ZBTB20: variants seen among roughly 807,000 people sequenced by gnomAD.
ZBTB20 encodes the protein zinc finger and BTB domain containing 20, also known as zinc finger and BTB domain-containing protein 20.
A neutral mutation model predicts 56.9 loss-of-function variants in ZBTB20; 9 were observed. The ratio of observed to expected loss-of-function variants is 0.16; its 90% confidence interval spans 0.10 to 0.28. The LOEUF is 0.28. ZBTB20 is among the 10% of genes least tolerant of loss of function. The pLI, the probability that ZBTB20 is intolerant of heterozygous loss-of-function variation, is 1.00. For missense variants in ZBTB20, 655 were observed against 1,003.0 expected (o/e 0.65, Z 4.69); for synonymous variants, 417 against 420.7 (o/e 0.99, Z 0.11).
At chr3:114,381,964 G>C (rs2084409150) in intron 8 of ZBTB20, among the ~76,000 whole-genome samples, 1 of 152,166 alleles carries the variant, frequency 6.6e-6, no homozygotes, top group African/African-American at 2.4e-5. Context: ...CCCAAATCTT[G>C]AGTGTCTACA....
At chr3:114,524,881 A>G (rs1204573355) in intron 6 of ZBTB20, among the ~76,000 whole-genome samples, 1 of 151,998 alleles carries the variant, frequency 6.6e-6, no homozygotes, top group Non-Finnish European at 1.5e-5. Flanking sequence ...CACCCGGCTA[A>G]TTTTTGTATT....
intron 5 of ZBTB20, among the ~76,000 whole-genome samples, chr3:114,764,474 G>A (rs530971428): frequency 3.9e-5 from 6 of 152,236 alleles, no homozygotes; most frequent in South Asian, 4.1e-4. Context: ...TGCAGGCCCC[G>A]CATCCTGCTT....
chr3:114,757,070 C>T (rs1479988757), intron 5 of ZBTB20, among the ~76,000 whole-genome samples: 1 of 152,112 alleles, frequency 6.6e-6, no homozygotes, highest in African/African-American at 2.4e-5. Flanking sequence ...GCTCTTTAGT[C>T]TGGCCTCCGC....
chr3:114,386,455 T>G (rs559994559), intron 8 of ZBTB20, among the ~76,000 whole-genome samples: 1 of 152,130 alleles, frequency 6.6e-6, no homozygotes. Flanking sequence ...TCAAGAGAGA[T>G]AGCACCAGGT....
intron 5 of ZBTB20, among the ~76,000 whole-genome samples, chr3:114,697,504 GA>G (rs1353040823): frequency 6.6e-6 from 1 of 150,560 alleles, no homozygotes; most frequent in African/African-American, 2.4e-5. Flanking sequence ...TGAGAAAAGG[GA>G]AAAAAAACTG....
intron 3 of ZBTB20, among the ~76,000 whole-genome samples, chr3:114,972,259 G>A (rs1019581164): frequency 3.3e-5 from 5 of 152,234 alleles, no homozygotes; most frequent in Admixed American, 2.0e-4. Flanking sequence ...TATATTGTGG[G>A]TCTTTTTATT....
chr3:114,530,675 C>T (rs1032770015), intron 6 of ZBTB20, among the ~76,000 whole-genome samples: 2 of 152,146 alleles, frequency 1.3e-5, no homozygotes, highest in South Asian at 2.1e-4. Context: ...ATCATTACCA[C>T]CTATGAAATT....
chr3:115,053,524 A>G (rs747207508), intron 2 of ZBTB20, among the ~76,000 whole-genome samples: 9 of 152,214 alleles, frequency 5.9e-5, no homozygotes, highest in African/African-American at 1.7e-4. Context: ...ATTTAAGTGG[A>G]ATAGTGAGAG....
intron 6 of ZBTB20, among the ~76,000 whole-genome samples, chr3:114,548,424 G>A (rs2050157286): frequency 6.6e-6 from 1 of 152,076 alleles, no homozygotes; most frequent in African/African-American, 2.4e-5. Context: ...AGATCTATTA[G>A]TCTCAGAATT....
At chr3:114,569,914 T>C (rs1474566739) in intron 6 of ZBTB20, among the ~76,000 whole-genome samples, 3 of 152,096 alleles carry the variant, frequency 2.0e-5, no homozygotes, top group African/African-American at 7.2e-5. Context: ...CACATACTTC[T>C]AGAACTATAA....
chr3:114,932,460 T>A (rs1056276312), intron 3 of ZBTB20, among the ~76,000 whole-genome samples: 1 of 152,228 alleles, frequency 6.6e-6, no homozygotes, highest in Non-Finnish European at 1.5e-5. Context: ...AAACTTATCA[T>A]ATACAATTGT....
chr3:114,474,504 T>G (rs1029865012), intron 7 of ZBTB20, among the ~76,000 whole-genome samples: 3 of 152,186 alleles, frequency 2.0e-5, no homozygotes, highest in African/African-American at 7.2e-5. Context: ...CTTGCTTCTC[T>G]ATCTAGTGAG....
At chr3:115,051,010 T>C (rs1244189533) in intron 2 of ZBTB20, among the ~76,000 whole-genome samples, 1 of 152,128 alleles carries the variant, frequency 6.6e-6, no homozygotes, top group Non-Finnish European at 1.5e-5. Context: ...CTTCAATTCC[T>C]ATACTCAGAA....
At position 114,320,567 on chromosome 3, in the gene ZBTB20, G is replaced by A. The variant is rs537795379; in HGVS notation, c.*18438C>T. 1 of 152,248 alleles carries A rather than the reference G, an allele frequency of 6.6e-6. No homozygotes were observed. Among genetic ancestry groups the A allele is most frequent in the South Asian group, 2.1e-4 (1 of 4,828 alleles). 9.4% of individuals were successfully genotyped at this position (152,248 alleles called of 1,614,324 possible). ...TAAAAAACAGGTAAGGCTACTCTTA[G>A]ATTTCTAACTCAACATAGTTAACCA... On this transcript the variant is annotated 3_prime_UTR_variant, in exon 12 of 12. Transcript: ENST00000675478.
At chr3:114,869,581 G>C (rs2075903425) in intron 4 of ZBTB20, among the ~76,000 whole-genome samples, 1 of 152,028 alleles carries the variant, frequency 6.6e-6, no homozygotes, top group African/African-American at 2.4e-5. Context: ...AGTGGAAGTA[G>C]AAAGCCAAAT....
intron 6 of ZBTB20, among the ~76,000 whole-genome samples, chr3:114,628,765 C>G (rs999477185): frequency 1.3e-5 from 2 of 152,148 alleles, no homozygotes; most frequent in Non-Finnish European, 2.9e-5. Flanking sequence ...ATTTCTGATA[C>G]AGGATCTCAT....
chr3:114,401,537 A>AG (rs2086827889), intron 7 of ZBTB20, among the ~76,000 whole-genome samples: 1 of 152,138 alleles, frequency 6.6e-6, no homozygotes, highest in Non-Finnish European at 1.5e-5. Flanking sequence ...AAAATTCCAG[A>AG]GAGTGAAAGG....
intron 4 of ZBTB20, among the ~76,000 whole-genome samples, chr3:114,858,826 G>A (rs1235149041): frequency 4.6e-5 from 7 of 151,922 alleles, no homozygotes; most frequent in Non-Finnish European, 1.0e-4. Flanking sequence ...TTTTTTAGTG[G>A]AATCTACTTT....
At chr3:114,707,610 C>G (rs1047115804) in intron 5 of ZBTB20, among the ~76,000 whole-genome samples, 1 of 152,132 alleles carries the variant, frequency 6.6e-6, no homozygotes, top group African/African-American at 2.4e-5. Flanking sequence ...CATGAAGGAC[C>G]CTGACCTATG....
Sources: gnomAD v4.1 joint callset for allele counts (sites outside exome capture counted in the v4.1 genomes callset) on GRCh38, gnomAD v4.1.1 for gene constraint, MANE v1.5 for transcripts, NCBI Gene and HGNC (gene_info 2026-07-23, HGNC 2026-07-21) for gene names.